Variants in SLC67A2 observed in about 807,000 individuals in gnomAD.
SLC67A2 encodes solute carrier family 67 member 2, also known as solute carrier family 67 member A2.
the SLC67A2 span, chr2:102,718,666 C>A: frequency 1.2e-6 from 2 of 1,613,910 alleles, no homozygotes; most frequent in South Asian, 1.1e-5. Context: ...CCGTGATGCA[C>A]GTCCTGCCAA....
chr2:102,726,222 G>A, the SLC67A2 span, among the ~76,000 whole-genome samples: 1 of 152,180 alleles, frequency 6.6e-6, no homozygotes, highest in Non-Finnish European at 1.5e-5. Flanking sequence ...AGCTAAAGAA[G>A]TGAATCCCAA....
the SLC67A2 span, among the ~76,000 whole-genome samples, chr2:102,724,388 G>T: frequency 6.6e-6 from 1 of 152,174 alleles, no homozygotes. Flanking sequence ...GAGAGGACAA[G>T]GAGTGAGTAG....
the SLC67A2 span, chr2:102,726,987 A>C: frequency 6.2e-7 from 1 of 1,611,348 alleles, no homozygotes; most frequent in Non-Finnish European, 8.5e-7. Context: ...GAGGAAAGTA[A>C]GAAAAAGCCC....
chr2:102,726,038 C>G, the SLC67A2 span, among the ~76,000 whole-genome samples: 1 of 152,152 alleles, frequency 6.6e-6, no homozygotes, highest in African/African-American at 2.4e-5. Flanking sequence ...ACCCACCAAG[C>G]GCTACGCCGC....
chr2:102,731,005 G>C, the SLC67A2 span: 2 of 1,611,548 alleles, frequency 1.2e-6, no homozygotes, highest in Non-Finnish European at 1.7e-6. Context: ...TGATGGATGA[G>C]ACATGTGATC....
At chr2:102,721,657 C>CTGTGTGTGTGTG in the SLC67A2 span, among the ~76,000 whole-genome samples, 294 of 149,002 alleles carry the variant, frequency 2.0e-3, 1 homozygote, top group African/African-American at 6.9e-3. Flanking sequence ...GCTCATAGTC[C>CTGTGTGTGTGTG]TGTGTGTGTG....
At chr2:102,732,049 T>C in the SLC67A2 span, 1 of 577,672 alleles carries the variant, frequency 1.7e-6, no homozygotes, top group Non-Finnish European at 3.3e-6. Flanking sequence ...GCCAGCTCCT[T>C]GCAGAGGCTC....
the SLC67A2 span, among the ~76,000 whole-genome samples, chr2:102,715,093 C>T: frequency 2.0e-5 from 3 of 152,176 alleles, no homozygotes; most frequent in African/African-American, 7.2e-5. Context: ...TCCCTGTCCT[C>T]GCGACCAGCT....
At chr2:102,736,054 C>T in the SLC67A2 span, among the ~76,000 whole-genome samples, 1 of 152,232 alleles carries the variant, frequency 6.6e-6, no homozygotes, top group South Asian at 2.1e-4. Flanking sequence ...AAAAAGCAAA[C>T]CACAGGCACA....
the SLC67A2 span, among the ~76,000 whole-genome samples, chr2:102,735,707 G>A: frequency 6.6e-6 from 1 of 152,222 alleles, no homozygotes; most frequent in South Asian, 2.1e-4. Context: ...TTCTGTGGCA[G>A]AACTGTGGAT....
chr2:102,724,091 C>G, the SLC67A2 span, among the ~76,000 whole-genome samples: 1 of 152,148 alleles, frequency 6.6e-6, no homozygotes, highest in Non-Finnish European at 1.5e-5. Context: ...CTTCTGAGGT[C>G]TGCCGGTTCC....
chr2:102,729,209 G>A, the SLC67A2 span, among the ~76,000 whole-genome samples: 1 of 152,174 alleles, frequency 6.6e-6, no homozygotes, highest in East Asian at 1.9e-4. Flanking sequence ...CATATGAAAT[G>A]TTCTGTGTAA....
chr2:102,723,476 G>GA, the SLC67A2 span, among the ~76,000 whole-genome samples: 13 of 146,896 alleles, frequency 8.8e-5, no homozygotes, highest in South Asian at 6.5e-4. Context: ...TCTCAAAAAA[G>GA]AAAAAAAAAA....
the SLC67A2 span, among the ~76,000 whole-genome samples, chr2:102,727,205 A>G: frequency 2.0e-5 from 3 of 152,194 alleles, no homozygotes; most frequent in African/African-American, 7.2e-5. Flanking sequence ...CAAACAAACA[A>G]AAAAGTCTGA....
At chr2:102,721,571 C>T in the SLC67A2 span, among the ~76,000 whole-genome samples, 3 of 152,064 alleles carry the variant, frequency 2.0e-5, no homozygotes, top group Non-Finnish European at 2.9e-5. Flanking sequence ...GTCATTTATC[C>T]AAGGGCCAGC....
chr2:102,716,567 A>C, the SLC67A2 span: 2 of 152,260 alleles, frequency 1.3e-5, no homozygotes, highest in Non-Finnish European at 2.9e-5. Flanking sequence ...AGGAAAAAGG[A>C]CAATCTTCAA....
the SLC67A2 span, chr2:102,736,479 G>T: frequency 1.3e-6 from 2 of 1,489,696 alleles, no homozygotes; most frequent in African/African-American, 2.8e-5. Context: ...GATGCAGACT[G>T]AAGTGGGTGA....
At chr2:102,726,183 G>A in the SLC67A2 span, among the ~76,000 whole-genome samples, 1 of 152,202 alleles carries the variant, frequency 6.6e-6, no homozygotes, top group Non-Finnish European at 1.5e-5. Context: ...CCCGCTAACT[G>A]ACAGTCAGAC....
the SLC67A2 span, chr2:102,718,876 G>T: frequency 6.2e-7 from 1 of 1,614,136 alleles, no homozygotes; most frequent in Non-Finnish European, 8.5e-7. Context: ...AACTGATGAG[G>T]TAGCCTGTCA....
Sources: gnomAD v4.1 joint callset for allele counts (sites outside exome capture counted in the v4.1 genomes callset) on GRCh38, gnomAD v4.1.1 for gene constraint, MANE v1.5 for transcripts, NCBI Gene and HGNC (gene_info 2026-07-23, HGNC 2026-07-21) for gene names.